The following LRRC32 variants were observed in gnomAD, a reference collection of about 807,000 sequenced individuals.
LRRC32 encodes the protein transforming growth factor beta activator LRRC32.
Under a neutral mutation model 15.0 loss-of-function variants are expected in LRRC32, and 5 were observed. The observed-to-expected ratio is 0.33, with a 90% CI of 0.17 to 0.70. The LOEUF (loss-of-function observed/expected upper bound fraction) is 0.70, where lower values mean the gene tolerates loss of function less well. Ranked by LOEUF, LRRC32 falls within the 30% of genes least tolerant of loss-of-function variation. The pLI is 0.66. For missense variants in LRRC32, 803 were observed against 854.2 expected (o/e 0.94, Z 0.75); for synonymous variants, 391 against 403.9 (o/e 0.97, Z 0.38).
At chr11:76,663,488 G>C (rs531248927) in intron 2 of LRRC32, 3 of 152,378 alleles carry the variant, frequency 2.0e-5, no homozygotes, top group East Asian at 1.9e-4. Flanking sequence ...AGGTGAGTAG[G>C]GGGAGGAAGA....
Position 76,659,585 on chromosome 11 carries a change from A to G in LRRC32, c.*19T>C. ...GTACCTCAGGCTCCCCCACTGACCT[A>G]GAGTGTCTCCCGGCTTCTTTAGGCT... On this transcript the variant is annotated 3_prime_UTR_variant, in exon 3 of 3. Transcript: ENST00000260061. 1 of 1,609,184 alleles carries G rather than the reference A, an allele frequency of 6.2e-7. No individual in the cohort carries two copies. Among genetic ancestry groups the G allele is most frequent in the Non-Finnish European group, 8.5e-7 (1 of 1,177,080 alleles).
intron 2 of LRRC32, chr11:76,663,660 T>G (rs999241081): frequency 3.3e-5 from 5 of 152,354 alleles, no homozygotes; most frequent in Non-Finnish European, 7.3e-5. Context: ...CCAGCTGCCT[T>G]GCCCATCCTT....
At position 76,661,246 on chromosome 11, in the gene LRRC32, C is replaced by G; in HGVS notation, c.347G>C (p.Ser116Thr). ...TGGCAGGGGGCCCAGGCCACCAGCA[C>G]TCAGCGCAGTGGCCATCGCCAGCCG... ...HNRLAMATAL[S>T]AGGLGPLPRV... The change falls in exon 3 of 3, where the codon AGT becomes ACT. Residue 116 changes from serine (S) to threonine (T), a missense_variant. By Grantham distance (58) the Ser-to-Thr change is moderately conservative. Transcript: ENST00000260061. 1 of 1,613,956 alleles carries G rather than the reference C, an allele frequency of 6.2e-7. No homozygotes were observed.
chr11:76,664,862 G>C (rs1302982809), intron 2 of LRRC32, among the ~76,000 whole-genome samples: 1 of 152,226 alleles, frequency 6.6e-6, no homozygotes, highest in African/African-American at 2.4e-5. Flanking sequence ...GGGAATCTTA[G>C]AAGGGCTCTG....
At position 76,661,019 on chromosome 11, in the gene LRRC32, C is replaced by T. The variant is rs768343577; in HGVS notation, c.574G>A (p.Ala192Thr). ...GTCAGGCGGGGCAGACCCTCGAAGG[C>T]GCCATCCTCGATGTCCATCAGCACG... ...SNVLMDIEDG[A>T]FEGLPRLTHL... Residue 192 changes from alanine (A) to threonine (T), a missense_variant, in exon 3 of 3, where the codon GCC (alanine) becomes ACC (threonine). Transcript: ENST00000260061. 4.3e-6 allele frequency: 7 copies of T among 1,614,122 alleles called. No homozygotes were observed. The highest frequency in any genetic ancestry group is 2.2e-5 in the South Asian group (2 of 91,080).
chr11:76,665,301 C>T (rs188971887), intron 2 of LRRC32, among the ~76,000 whole-genome samples: 1 of 152,236 alleles, frequency 6.6e-6, no homozygotes, highest in South Asian at 2.1e-4. Context: ...GCCTGGGGAC[C>T]GCAGGAACCC....
At chr11:76,667,202 T>C (rs1314082134) in intron 1 of LRRC32, among the ~76,000 whole-genome samples, 1 of 152,210 alleles carries the variant, frequency 6.6e-6, no homozygotes, top group Non-Finnish European at 1.5e-5. Context: ...AAAAATTCAA[T>C]GACTTGGTTC....
Position 76,661,375 on chromosome 11 carries a change from G to A in LRRC32, c.218C>T (p.Thr73Ile), listed in dbSNP as rs770158787. The A allele has an allele frequency of 7.1e-5, 114 of 1,614,068 alleles. No homozygotes were observed. Among genetic ancestry groups the A allele is most frequent in the East Asian group, 5.3e-4 (24 of 44,894 alleles). The change falls in exon 3 of 3, where the codon ACA becomes ATA. Residue 73 changes from threonine (T) to isoleucine (I), a missense_variant. Coordinates refer to ENST00000260061, the MANE Select transcript of LRRC32 (RefSeq NM_001128922.2). ...GCTCAGGTCCAGGTGACGAAGTGCT[G>A]TGTAGAAGCCCAGGGGTGAGGCCAG... is the stretch of plus-strand genomic sequence containing the variant. ...SILASPLGFY[T>I]ALRHLDLSTN... is the part of the protein sequence containing the mutation.
At position 76,659,172 on chromosome 11, in the gene LRRC32, T is replaced by C; in HGVS notation, c.*432A>G. 5.7e-6 allele frequency: 1 copy of C among 176,438 alleles called. No homozygotes were observed. Among genetic ancestry groups the C allele is most frequent in the Non-Finnish European group, 1.2e-5 (1 of 82,418 alleles). The allele number at this position is 176,438 out of a possible 1,614,324, so 10.9% of individuals were successfully genotyped here. The stretch of plus-strand genomic sequence containing the variant: ...CAAACCAGCGGGGCCTGCCGAGCTC[T>C]GGAGCCCTGGGCTTTCACACCTCAG... On this transcript the variant is annotated 3_prime_UTR_variant, in exon 3 of 3. Coordinates refer to ENST00000260061, the MANE Select transcript of LRRC32 (RefSeq NM_001128922.2).
Position 76,661,318 on chromosome 11 carries a change from G to A in LRRC32, c.275C>T (p.Ala92Val), listed in dbSNP as rs1017843124. Reference sequence around the variant, plus strand: ...CTCCAGGTGGGTCAGGGCCTGGAAGGCTCCTGGCTGGAGGAAGCTGATCTC... The same window carrying A: ...CTCCAGGTGGGTCAGGGCCTGGAAGACTCCTGGCTGGAGGAAGCTGATCTC... Reference protein sequence around the residue: ...TNEISFLQPGAFQALTHLEHL... With the variant: ...TNEISFLQPGVFQALTHLEHL... Residue 92 changes from alanine to valine, a missense_variant, in exon 3 of 3, where the codon GCC becomes GTC. Ala to Val is a moderately conservative substitution (Grantham distance 64). Transcript: ENST00000260061. 3.7e-6 allele frequency: 6 copies of A among 1,614,116 alleles called. No individual in the cohort carries two copies. In the African/African-American group the frequency reaches 5.3e-5, roughly 14 times the overall value.
Position 76,661,096 on chromosome 11 carries a change from C to G in LRRC32, c.497G>C (p.Arg166Pro), listed in dbSNP as rs1471143455. 14 of 1,614,040 alleles carry G rather than the reference C, an allele frequency of 8.7e-6. No individual in the cohort carries two copies. Among genetic ancestry groups the G allele is most frequent in the Non-Finnish European group, 1.1e-5 (13 of 1,180,008 alleles). Residue 166 changes from arginine (R) to proline (P), a missense_variant, in exon 3 of 3, where the codon CGC (arginine) becomes CCC (proline). Coordinates refer to ENST00000260061, the MANE Select transcript of LRRC32 (RefSeq NM_001128922.2). ...CGCAGGCATGTCCCGGAAGGTGTGG[C>G]GGGTGAGGCGAGTCAGACTGTTCTC... ...LAENSLTRLT[R>P]HTFRDMPALE...
rs1327017933 is a variant in LRRC32, at chr11:76,658,898, T to G, written c.*706A>C. On this transcript the variant is annotated 3_prime_UTR_variant, in exon 3 of 3. Transcript: ENST00000260061. ...AAGTCCAGAGCAGGAGACGGAATGG[T>G]CCAGTGCTGGGCTGGACCCCTTAAC... is the stretch of plus-strand genomic sequence containing the variant. The G allele has an allele frequency of 6.5e-6, 1 of 153,290 alleles. No individual in the cohort carries two copies. The highest frequency in any genetic ancestry group is 1.5e-5 in the Non-Finnish European group (1 of 68,606). 9.5% of individuals were successfully genotyped at this position (153,290 alleles called of 1,614,324 possible).
In LRRC32 at chr11:76,659,525, A is replaced by G; in HGVS notation, c.*79T>C. The G allele has an allele frequency of 6.9e-7, 1 of 1,439,514 alleles. No homozygotes were observed. The allele number at this position is 1,439,514 out of a possible 1,614,324, so 89.2% of individuals were successfully genotyped here. ...GACCAGAGTTCTGGGATCCCGGATC[A>G]CTGTGTGACCTTGAGTCAGTCCTCA... On this transcript the variant is annotated 3_prime_UTR_variant, in exon 3 of 3. Transcript: ENST00000260061.
At chr11:76,665,997 C>T (rs775340258) in intron 1 of LRRC32, 39 bp from the exon 2 acceptor site, 4 of 1,586,980 alleles carry the variant, frequency 2.5e-6, no homozygotes, top group Non-Finnish European at 2.6e-6. Context: ...ACTGTAAGCC[C>T]ACTGGCTCCT....
chr11:76,666,249 C>T (rs556759433), intron 1 of LRRC32, among the ~76,000 whole-genome samples: 4 of 152,238 alleles, frequency 2.6e-5, no homozygotes, highest in African/African-American at 4.8e-5. Context: ...CCCCACCTGG[C>T]GGAAGACAGC....
At position 76,661,155 on chromosome 11, in the gene LRRC32, C is replaced by G; in HGVS notation, c.438G>C (p.Gly146=). ...AGAGGGTATGCAGGCTGGGTGCCTC[C>G]CCCAGCAGCCGCTCCAGCAGGCCGC... ...LYSGLLERLL[G]EAPSLHTLSL... is the part of the protein sequence containing the mutation. Residue 146 remains glycine (G), a synonymous_variant, in exon 3 of 3, where the codon GGG becomes GGC. Coordinates refer to ENST00000260061, the MANE Select transcript of LRRC32 (RefSeq NM_001128922.2). The G allele has an allele frequency of 2.5e-6, 4 of 1,613,696 alleles. No individual in the cohort carries two copies. The highest frequency in any genetic ancestry group is 3.4e-6 in the Non-Finnish European group (4 of 1,179,832).
Position 76,660,172 on chromosome 11 carries a change from G to A in LRRC32, c.1421C>T (p.Ser474Phe), listed in dbSNP as rs1318109988. ...GGCCACCTCCAGCCCAGGATTGGAAGAAAGGTCCAGCTCAGTCAGTGGGGT... is the reference window on the plus strand; with the variant it reads ...GGCCACCTCCAGCCCAGGATTGGAAAAAAGGTCCAGCTCAGTCAGTGGGGT... Reference protein sequence around the residue: ...LHTPLTELDLSSNPGLEVATG... With the variant: ...LHTPLTELDLFSNPGLEVATG... Residue 474 changes from serine (S) to phenylalanine (F), a missense_variant, in exon 3 of 3, where the codon TCT (serine) becomes TTT (phenylalanine). Coordinates refer to ENST00000260061, the MANE Select transcript of LRRC32 (RefSeq NM_001128922.2). 1 of 1,598,706 alleles carries A rather than the reference G, an allele frequency of 6.3e-7. No homozygotes were observed. The highest frequency in any genetic ancestry group is 8.5e-7 in the Non-Finnish European group (1 of 1,173,026).
chr11:76,665,926 GC>G lies in LRRC32; in HGVS notation c.28del (p.Ala10ProfsTer3). 1 of 1,614,082 alleles carries G rather than the reference GC, an allele frequency of 6.2e-7. No homozygotes were observed. The highest frequency in any genetic ancestry group is 1.3e-5 in the African/African-American group (1 of 75,038). Reference sequence around the variant, plus strand: ...TGCAGCCAGGCCTAGGGTCAGCAGGGCCAGGAGCAGCAGGATCTGGGGTCTC... The same window carrying G: ...TGCAGCCAGGCCTAGGGTCAGCAGGGCAGGAGCAGCAGGATCTGGGGTCTC... MRPQILLLL[A>X]LLTLGLAAQH... On this transcript the variant is annotated frameshift_variant, in exon 2 of 3. Coordinates refer to ENST00000260061, the MANE Select transcript of LRRC32 (RefSeq NM_001128922.2). LOFTEE classifies it high-confidence loss of function.
rs376883823 is a variant in LRRC32 at position 76,659,665 on chromosome 11, G to A, written c.1928C>T (p.Thr643Ile). Residue 643 changes from threonine to isoleucine, a missense_variant, in exon 3 of 3, where the codon ACC (threonine) becomes ATC (isoleucine). Physicochemically the swap from Thr to Ile is moderately conservative, Grantham distance 89. Transcript: ENST00000260061. ...GACGCAGCAGCAGGCGGCCAGCGTG[G>A]TGAGGAGGATGGCAGAGACCAGTAT... ...TFILVSAILL[T>I]TLAACCCVRR... The A allele has an allele frequency of 6.2e-7, 1 of 1,614,254 alleles. No individual in the cohort carries two copies. Among genetic ancestry groups the A allele is most frequent in the South Asian group, 1.1e-5 (1 of 91,086 alleles).
Sources: allele counts gnomAD v4.1 joint callset (sites outside exome capture counted in the v4.1 genomes callset), GRCh38; gene constraint gnomAD v4.1.1; transcripts MANE v1.5; gene names NCBI Gene and HGNC (gene_info 2026-07-23, HGNC 2026-07-21).